The following TMEM165 variants were observed in gnomAD, a reference collection of about 807,000 sequenced individuals.
TMEM165 encodes putative divalent cation/proton antiporter TMEM165.
In TMEM165, 19 loss-of-function variants were observed where a neutral mutation model predicts 30.0. That is an observed-to-expected ratio of 0.63 (90% CI 0.44 to 0.93). The LOEUF is 0.93. Among genes scored for constraint, TMEM165 ranks in the 40% least tolerant of loss-of-function variants. TMEM165 has a pLI of 0.00. For synonymous variants in TMEM165, 168 were observed against 162.9 expected (o/e 1.03, Z -0.24); for missense variants, 340 against 417.0 (o/e 0.82, Z 1.61).
At chr4:55,413,510 T>TG (rs1721599640) in intron 2 of TMEM165, among the ~76,000 whole-genome samples, 1 of 152,136 alleles carries the variant, frequency 6.6e-6, no homozygotes, top group South Asian at 2.1e-4. Flanking sequence ...GAGATAGAGT[T>TG]TTACCATGTT....
rs57262129 is a variant in TMEM165, at chr4:55,418,521, G to GAAA, written c.792+548_792+550dup. ...CCTTGGTGACAGGGAGACCCAGTCTGAAAAAAAAAAAAAAGTGTATAGCTT... is the reference window on the plus strand; with the variant it reads ...CCTTGGTGACAGGGAGACCCAGTCTGAAAAAAAAAAAAAAAAAGTGTATAGCTT... On this transcript the variant is annotated intron_variant, in intron 4 of 5. Coordinates refer to ENST00000381334, the MANE Select transcript of TMEM165 (RefSeq NM_018475.5). 2.4e-5 allele frequency among the ~76,000 whole-genome samples: 3 copies of GAAA among 124,658 alleles called. No homozygotes were observed. In the Admixed American group the frequency reaches 2.4e-4, roughly 10 times the overall value. The allele number at this position is 124,658 out of a possible 152,430, so 81.8% of individuals were successfully genotyped here. A position where few individuals can be genotyped will look rare whatever the true frequency, so the allele number is the denominator to read the frequency against.
chr4:55,403,297 C>T (rs1302274113), intron 1 of TMEM165: 1 of 1,277,700 alleles, frequency 7.8e-7, no homozygotes, highest in African/African-American at 1.8e-5. Flanking sequence ...GCATCTTCAT[C>T]TTCTCTAGTT....
intron 3 of TMEM165, chr4:55,438,362 TCTGCTG>T (rs753230415): frequency 6.2e-7 from 1 of 1,613,024 alleles, no homozygotes; most frequent in South Asian, 1.1e-5. Flanking sequence ...TCCTGGGAGC[TCTGCTG>T]CTGCTGCTGC....
In TMEM165 at chr4:55,426,144, TAAC is replaced by T. The variant is rs906324555; in HGVS notation, c.*695_*697del. The T allele has an allele frequency of 2.0e-5, 3 of 152,170 alleles. No individual in the cohort carries two copies. The highest frequency in any genetic ancestry group is 6.5e-5 in the Admixed American group (1 of 15,268). 9.4% of individuals were successfully genotyped at this position (152,170 alleles called of 1,614,324 possible). A position where few individuals can be genotyped will look rare whatever the true frequency, so the allele number is the denominator to read the frequency against. ...TATTGAATAAACAATGTAACATAGA[TAAC>T]AATATAAATAAAAGTGGTATGACCA... On this transcript the variant is annotated 3_prime_UTR_variant, in exon 6 of 6. Transcript: ENST00000381334.
chr4:55,410,788 T>G (rs1449605565), intron 1 of TMEM165, among the ~76,000 whole-genome samples: 1 of 152,168 alleles, frequency 6.6e-6, no homozygotes, highest in African/African-American at 2.4e-5. Context: ...AATACAAATT[T>G]GAATGAGATG....
At chr4:55,408,384 A>C (rs1721357900) in intron 1 of TMEM165, among the ~76,000 whole-genome samples, 2 of 152,204 alleles carry the variant, frequency 1.3e-5, no homozygotes, top group Admixed American at 6.5e-5. Flanking sequence ...TACTCAACAC[A>C]AACCTAGATG....
intron 3 of TMEM165, 140 bp downstream of exon 3, chr4:55,417,387 T>A: frequency 1.2e-6 from 1 of 839,564 alleles, no homozygotes; most frequent in Non-Finnish European, 1.8e-6. Flanking sequence ...TCTGTTCTTA[T>A]ACCTGTCTGT....
chr4:55,413,494 T>G (rs1721598993), intron 2 of TMEM165, among the ~76,000 whole-genome samples: 2 of 152,204 alleles, frequency 1.3e-5, no homozygotes, highest in Admixed American at 1.3e-4. Context: ...ATTGTATGTT[T>G]TGGTAGAGAT....
At chr4:55,398,195 A>G (rs1483550119) in intron 1 of TMEM165, among the ~76,000 whole-genome samples, 1 of 152,242 alleles carries the variant, frequency 6.6e-6, no homozygotes, top group East Asian at 1.9e-4. Context: ...CAGATGTAGT[A>G]ATCGCTATTG....
chr4:55,425,483 A>C lies in TMEM165; in HGVS notation c.*31A>C. The C allele has an allele frequency of 6.6e-7, 1 of 1,513,396 alleles. No individual in the cohort carries two copies. 93.7% of individuals were successfully genotyped at this position (1,513,396 alleles called of 1,614,324 possible). ...TGTTTGTTCATCTATATTTAGTTTA[A>C]AATAGGTAGTATTATCTTTCTGTAC... On this transcript the variant is annotated 3_prime_UTR_variant, in exon 6 of 6. Coordinates refer to ENST00000381334, the MANE Select transcript of TMEM165 (RefSeq NM_018475.5).
At chr4:55,419,689 A>T (rs912977934) in intron 4 of TMEM165, among the ~76,000 whole-genome samples, 5 of 151,992 alleles carry the variant, frequency 3.3e-5, no homozygotes, top group African/African-American at 9.7e-5. Context: ...ACTATTTCTT[A>T]TCTGTGTTTA....
chr4:55,424,497 T>TCA, intron 4 of TMEM165, 41 bp from the exon 5 acceptor site: 2 of 1,249,300 alleles, frequency 1.6e-6, no homozygotes, highest in Non-Finnish European at 2.3e-6. Flanking sequence ...GCAGCAGTTG[T>TCA]CACCTTGGTT....
At position 55,438,979 on chromosome 4, in the gene TMEM165, G is replaced by C. The variant is rs188738071; in HGVS notation, c.409-13260G>C. Among the ~76,000 whole-genome samples, 419 of 152,204 alleles carry C rather than the reference G, an allele frequency of 2.8e-3. 4 individuals are homozygous for C. The highest frequency in any genetic ancestry group is 9.4e-3 in the African/African-American group (390 of 41,534). Reference sequence around the variant, plus strand: ...TCTTGGATATGATACCAAAAGTACAGGCAACAAAAGAACAGATAAACAGAT... The same window carrying C: ...TCTTGGATATGATACCAAAAGTACACGCAACAAAAGAACAGATAAACAGAT... On this transcript the variant is annotated intron_variant, in intron 3 of 3. Coordinates refer to the TMEM165 transcript ENST00000608091.
chr4:55,410,458 T>C (rs1721443632), intron 1 of TMEM165, among the ~76,000 whole-genome samples: 1 of 152,178 alleles, frequency 6.6e-6, no homozygotes, highest in African/African-American at 2.4e-5. Context: ...CATTGCCCAT[T>C]GTGCAATGGG....
intron 5 of TMEM165, 44 bp downstream of exon 5, chr4:55,424,687 TGA>T: frequency 1.6e-6 from 2 of 1,276,474 alleles, no homozygotes; most frequent in Non-Finnish European, 2.3e-6. Context: ...TTAGAATCAC[TGA>T]GAGATTAAAG....
chr4:55,425,174 CT>C (rs1383183583), intron 5 of TMEM165, among the ~76,000 whole-genome samples: 3 of 152,180 alleles, frequency 2.0e-5, no homozygotes, highest in Non-Finnish European at 4.4e-5. Flanking sequence ...TGGAGAAAAC[CT>C]GATTCTTAGT....
intron 3 of TMEM165, chr4:55,435,587 C>T (rs1332097946): frequency 5.0e-6 from 8 of 1,613,822 alleles, no homozygotes; most frequent in Non-Finnish European, 6.8e-6. Flanking sequence ...ATGGAGCAAC[C>T]TAGAAGTCTA....
chr4:55,397,111 T>G (rs977393105), intron 1 of TMEM165: 11 of 152,228 alleles, frequency 7.2e-5, no homozygotes, highest in African/African-American at 2.7e-4. Context: ...ATTTCTCCCT[T>G]CTCCCAGTCG....
At chr4:55,440,887 G>A (rs555311000) in intron 3 of TMEM165, among the ~76,000 whole-genome samples, 21 of 152,212 alleles carry the variant, frequency 1.4e-4, no homozygotes, top group African/African-American at 4.8e-4. Flanking sequence ...AAGAGTCAGG[G>A]CAAGTATCTC....
Sources: allele counts gnomAD v4.1 joint callset (sites outside exome capture counted in the v4.1 genomes callset), GRCh38; gene constraint gnomAD v4.1.1; transcripts MANE v1.5; gene names NCBI Gene and HGNC (gene_info 2026-07-23, HGNC 2026-07-21).